Variants in ITPR2 observed in about 807,000 individuals in gnomAD.
ITPR2 encodes inositol 1,4,5-trisphosphate-gated calcium channel ITPR2.
A neutral mutation model predicts 317.1 loss-of-function variants in ITPR2; 207 were observed. The ratio of observed to expected loss-of-function variants is 0.65; its 90% confidence interval spans 0.58 to 0.73. The LOEUF (loss-of-function observed/expected upper bound fraction) is 0.73. ITPR2 is among the 30% of genes least tolerant of loss of function. The probability of loss-of-function intolerance (pLI) is 0.00; values close to 1 mark genes in which losing one functional copy is unlikely to be tolerated. For missense variants in ITPR2, 2,613 were observed against 3,284.0 expected, an observed-to-expected ratio of 0.80 and a Z score of 4.99; for synonymous variants, 1,156 against 1,149.1, an observed-to-expected ratio of 1.01 and a Z score of -0.12.
rs751103293 is a variant in ITPR2, at chr12:26,658,124, C to G, written c.1893G>C (p.Leu631Phe). 6.5e-7 allele frequency: 1 copy of G among 1,546,684 alleles called. No individual in the cohort carries two copies. Among genetic ancestry groups the G allele is most frequent in the South Asian group, 1.3e-5 (1 of 76,460 alleles). The stretch of plus-strand genomic sequence containing the variant: ...ACACACACAGATCTGACAAATAATC[C>G]AAAAACCTGGCAAAAGAAAAAAATT... ...LLRRNREPRF[L>F]DYLSDLCVSN... is the part of the protein sequence containing the mutation. Residue 631 changes from leucine (L) to phenylalanine (F), a missense_variant, in exon 17 of 57, where the codon TTG (leucine) becomes TTC (phenylalanine). Physicochemically the swap from Leu to Phe is conservative, Grantham distance 22. Around this residue, in one of 9 missense-constraint regions of ITPR2, gnomAD observed 515 missense variants for 789.4 expected, o/e 0.65. Coordinates refer to ENST00000381340, the MANE Select transcript of ITPR2 (RefSeq NM_002223.4).
At chr12:26,587,373 T>A (rs1242381966) in intron 32 of ITPR2, among the ~76,000 whole-genome samples, 2 of 151,966 alleles carry the variant, frequency 1.3e-5, no homozygotes, top group Admixed American at 1.3e-4. Flanking sequence ...GAAAAGAGCC[T>A]GTTATTTTAT....
chr12:26,584,948 A>T (rs1052637667), intron 32 of ITPR2, among the ~76,000 whole-genome samples: 8 of 152,204 alleles, frequency 5.3e-5, no homozygotes, highest in African/African-American at 1.9e-4. Flanking sequence ...GTGAGGCCAA[A>T]ACTTTTGCAA....
intron 36 of ITPR2, among the ~76,000 whole-genome samples, chr12:26,554,945 C>T (rs1944624334): frequency 6.6e-6 from 1 of 152,092 alleles, no homozygotes; most frequent in African/African-American, 2.4e-5. Context: ...GGCAATACCT[C>T]CACTTAAAAT....
At chr12:26,711,123 T>G (rs558978350) in intron 9 of ITPR2, 50 bp downstream of exon 9, 14 of 1,291,592 alleles carry the variant, frequency 1.1e-5, no homozygotes, top group Non-Finnish European at 1.5e-5. Context: ...ACTGCCTCTT[T>G]CACTAATTCA....
chr12:26,617,342 C>T (rs1946393655), intron 26 of ITPR2, among the ~76,000 whole-genome samples: 1 of 151,978 alleles, frequency 6.6e-6, no homozygotes, highest in South Asian at 2.1e-4. Flanking sequence ...CAATATATGG[C>T]TAGAAAAATG....
chr12:26,604,795 T>C (rs1946084372), intron 26 of ITPR2, among the ~76,000 whole-genome samples: 1 of 152,082 alleles, frequency 6.6e-6, no homozygotes, highest in South Asian at 2.1e-4. Flanking sequence ...ATGAAGTGAA[T>C]CTTAAAAATT....
intron 2 of ITPR2, among the ~76,000 whole-genome samples, chr12:26,774,795 T>C (rs775132847): frequency 5.3e-5 from 8 of 152,234 alleles, no homozygotes; most frequent in Non-Finnish European, 1.2e-4. Flanking sequence ...TTTCTCTGCA[T>C]GAGAGCTCTC....
intron 21 of ITPR2, among the ~76,000 whole-genome samples, chr12:26,653,605 T>A (rs1947307938): frequency 6.6e-6 from 1 of 152,166 alleles, no homozygotes; most frequent in South Asian, 2.1e-4. Flanking sequence ...CTTTGACACC[T>A]TATAATTTCA....
intron 52 of ITPR2, among the ~76,000 whole-genome samples, chr12:26,402,086 G>A (rs889457073): frequency 3.3e-5 from 5 of 152,206 alleles, no homozygotes; most frequent in African/African-American, 1.2e-4. Context: ...CAGAGCAGCA[G>A]TGCAGACAAG....
In ITPR2 at chr12:26,656,403, G is replaced by T; in HGVS notation, c.2338C>A (p.Arg780Ser). The T allele has an allele frequency of 6.2e-7, 1 of 1,614,202 alleles. No homozygotes were observed. The highest frequency in any genetic ancestry group is 8.5e-7 in the Non-Finnish European group (1 of 1,180,036). ...TCAACGTGCATGTGGAGCATGAGGC[G>T]ACAGAAGGACGCTCGGAGGTCGAAC... ...LPFDLRASFC[R>S]LMLHMHVDRD... Residue 780 changes from arginine to serine, a missense_variant, in exon 19 of 57, where the codon CGC becomes AGC. Transcript: ENST00000381340.
chr12:26,501,301 G>A lies in ITPR2; in HGVS notation c.5074-6041C>T, dbSNP rs74662451. Among the ~76,000 whole-genome samples, 1,016 of 152,264 alleles carry A rather than the reference G, an allele frequency of 6.7e-3. 10 individuals carry two copies. The highest frequency in any genetic ancestry group is 0.023 in the African/African-American group (945 of 41,568). On this transcript the variant is annotated intron_variant, in intron 37 of 56. Transcript: ENST00000381340. ...TTTTTCCTCATTTGAATTGCCAGGG[G>A]TAAAAAGGTACATTTCTCATTTCAA...
At chr12:26,772,877 T>A (rs1949897770) in intron 2 of ITPR2, among the ~76,000 whole-genome samples, 2 of 151,998 alleles carry the variant, frequency 1.3e-5, no homozygotes, top group South Asian at 4.2e-4. Flanking sequence ...ATGCATTAGG[T>A]ATTTGTCCTA....
At position 26,643,793 on chromosome 12, in the gene ITPR2, G is replaced by A. The variant is rs936953667; in HGVS notation, c.2740+10183C>T. 2.6e-4 allele frequency among the ~76,000 whole-genome samples: 40 copies of A among 152,200 alleles called. 1 individual carries two copies. The highest frequency in any genetic ancestry group is 8.8e-5 in the Non-Finnish European group (6 of 68,040). On this transcript the variant is annotated intron_variant, in intron 21 of 56. Transcript: ENST00000381340. The stretch of plus-strand genomic sequence containing the variant: ...AAGCAAAGTGTTGACAGAACGTCTG[G>A]TTCCTCCTGACTGCTTACAGTAAAA...
intron 55 of ITPR2, among the ~76,000 whole-genome samples, chr12:26,353,998 G>T (rs924479336): frequency 1.1e-4 from 17 of 152,184 alleles, no homozygotes; most frequent in African/African-American, 3.9e-4. Context: ...TTTGGGCCAG[G>T]TGCAGTGGCT....
At chr12:26,472,018 G>C (rs1942301254) in intron 45 of ITPR2, among the ~76,000 whole-genome samples, 1 of 152,188 alleles carries the variant, frequency 6.6e-6, no homozygotes, top group Admixed American at 6.5e-5. Flanking sequence ...TCCTAGCCTA[G>C]AGAAAGCCAA....
chr12:26,485,392 C>T (rs1226270068), intron 41 of ITPR2, among the ~76,000 whole-genome samples: 1 of 152,164 alleles, frequency 6.6e-6, no homozygotes, highest in African/African-American at 2.4e-5. Context: ...ACACCCTATA[C>T]ATCTATTTCC....
chr12:26,532,316 TG>T (rs1943965099), intron 37 of ITPR2, among the ~76,000 whole-genome samples: 1 of 152,264 alleles, frequency 6.6e-6, no homozygotes. Flanking sequence ...ATTGTGTATG[TG>T]TGGTTTACAC....
At chr12:26,621,365 G>T in intron 25 of ITPR2, 69 bp from the exon 26 acceptor site, 1 of 1,224,804 alleles carries the variant, frequency 8.2e-7, no homozygotes, top group Non-Finnish European at 1.2e-6. Flanking sequence ...TATTTTAGAT[G>T]TATATTGACC....
rs143983825 is a variant in ITPR2, at chr12:26,667,657, T to G, written c.1410-1606A>C. On this transcript the variant is annotated intron_variant, in intron 13 of 56. Coordinates refer to ENST00000381340, the MANE Select transcript of ITPR2 (RefSeq NM_002223.4). ...TGGAGCGGAGGTTACTTCAGCAAAA[T>G]GAAAAAAAGTTGAACTTAAGTTTCT... is the stretch of plus-strand genomic sequence containing the variant. 8.1e-3 allele frequency among the ~76,000 whole-genome samples: 1,229 copies of G among 152,284 alleles called. 14 individuals carry two copies. Among genetic ancestry groups the G allele is most frequent in the Middle Eastern group, 0.024 (7 of 294 alleles).
Sources: allele counts gnomAD v4.1 joint callset (sites outside exome capture counted in the v4.1 genomes callset), GRCh38; gene constraint gnomAD v4.1.1; regional missense constraint gnomAD v4.1.1; transcripts MANE v1.5; gene names NCBI Gene and HGNC (gene_info 2026-07-23, HGNC 2026-07-21).